The following NOTCH2 variants were observed in gnomAD, a reference collection of about 807,000 sequenced individuals.
NOTCH2 encodes the protein neurogenic locus notch homolog protein 2.
Under a neutral mutation model 235.8 loss-of-function variants are expected in NOTCH2, and 29 were observed. The observed-to-expected ratio is 0.12, with a 90% CI of 0.09 to 0.17. The LOEUF (loss-of-function observed/expected upper bound fraction) is 0.17, where lower values mean the gene tolerates loss of function less well. Among genes scored for constraint, NOTCH2 ranks in the 10% least tolerant of loss-of-function variants. The pLI, the probability that NOTCH2 is intolerant of heterozygous loss-of-function variation, is 1.00. For missense variants in NOTCH2, 2,285 were observed against 3,150.2 expected, an observed-to-expected ratio of 0.73 and a Z score of 6.57; for synonymous variants, 1,086 against 1,141.5, an observed-to-expected ratio of 0.95 and a Z score of 0.98.
In NOTCH2 at chr1:119,988,303, G is replaced by A. The variant is rs1176717417; in HGVS notation, c.752-1221C>T. ...AATACAATGGCAGTCATATAAATAA[G>A]TATAAACTGAGTGACCAAAAACATT... On this transcript the variant is annotated intron_variant, in intron 4 of 33. Transcript: ENST00000256646. Among the ~76,000 whole-genome samples, 3 of 152,096 alleles carry A rather than the reference G, an allele frequency of 2.0e-5. No homozygotes were observed. The East Asian group carries it at 5.8e-4, about 29-fold the overall frequency.
chr1:119,971,310 T>C (rs1553200334), intron 5 of NOTCH2, among the ~76,000 whole-genome samples: 2 of 152,210 alleles, frequency 1.3e-5, no homozygotes, highest in African/African-American at 4.8e-5. Context: ...AACCCTTCCA[T>C]GCTCTTCTCC....
chr1:119,943,730 C>A (rs1553196741), intron 17 of NOTCH2, among the ~76,000 whole-genome samples: 1 of 151,892 alleles, frequency 6.6e-6, no homozygotes, highest in Non-Finnish European at 1.5e-5. Context: ...AAAATATGAA[C>A]AGAAACATAC....
intron 4 of NOTCH2, chr1:119,994,634 T>C (rs1357533603): frequency 8.3e-6 from 1 of 121,168 alleles, no homozygotes; most frequent in Non-Finnish European, 1.7e-5. Context: ...TCTTATAACA[T>C]GAACATATAT....
chr1:119,939,348 C>T (rs1215049954), intron 19 of NOTCH2, among the ~76,000 whole-genome samples: 9 of 152,192 alleles, frequency 5.9e-5, no homozygotes, highest in Non-Finnish European at 1.0e-4. Flanking sequence ...TTAAGCTATT[C>T]CCAATGCTCT....
chr1:119,941,639 T>C lies in NOTCH2; in HGVS notation c.2868A>G (p.Glu956=), dbSNP rs1184087054. ...CQTDMNECLS[E]PCKNGGTCSD... Reference sequence around the variant, plus strand: ...AGCAGGTCCCTCCATTCTTACAGGGTTCACTCAGACACTCATTCATGTCTG... The same window carrying C: ...AGCAGGTCCCTCCATTCTTACAGGGCTCACTCAGACACTCATTCATGTCTG... The change falls in exon 18 of 34, where the codon GAA becomes GAG. Residue 956 remains glutamate, a synonymous_variant. Transcript: ENST00000256646. 6.2e-7 allele frequency: 1 copy of C among 1,614,108 alleles called. No homozygotes were observed. The highest frequency in any genetic ancestry group is 1.7e-5 in the Admixed American group (1 of 60,018).
intron 22 of NOTCH2, among the ~76,000 whole-genome samples, chr1:119,931,556 G>A (rs1031262575): frequency 4.6e-5 from 7 of 151,946 alleles, no homozygotes; most frequent in East Asian, 1.9e-4. Context: ...GAAATAGAAC[G>A]TTATTGGTGA....
At chr1:119,982,030 G>A (rs1553201709) in intron 5 of NOTCH2, among the ~76,000 whole-genome samples, 1 of 151,862 alleles carries the variant, frequency 6.6e-6, no homozygotes, top group African/African-American at 2.4e-5. Context: ...ACTGAGACAG[G>A]AAGATCTAGC....
chr1:120,063,014 G>A (rs587739911), intron 1 of NOTCH2, among the ~76,000 whole-genome samples: 1,280 of 151,232 alleles, frequency 8.5e-3, no homozygotes, highest in African/African-American at 0.03. Context: ...ACAGATCTAC[G>A]GCAAACCTCC....
chr1:119,948,716 T>C, intron 16 of NOTCH2, 150 bp from the exon 17 acceptor site: 1 of 962,604 alleles, frequency 1.0e-6, no homozygotes, highest in Non-Finnish European at 1.6e-6. Context: ...GGAAGACTTC[T>C]GTGGCCTAGG....
chr1:120,025,929 T>C (rs1653819961), intron 2 of NOTCH2, among the ~76,000 whole-genome samples: 1 of 132,818 alleles, frequency 7.5e-6, no homozygotes, highest in Non-Finnish European at 1.5e-5. Context: ...ATTACATATT[T>C]ACACCTCCCA....
At chr1:119,921,017 G>A (rs1056491113) in intron 29 of NOTCH2, among the ~76,000 whole-genome samples, 1 of 152,208 alleles carries the variant, frequency 6.6e-6, no homozygotes, top group Admixed American at 6.5e-5. Context: ...CAGAGGAAAG[G>A]GTTATTATTA....
Position 119,963,565 on chromosome 1 carries a change from T to C in NOTCH2, c.1915+9A>G, listed in dbSNP as rs1419284971. The C allele has an allele frequency of 3.7e-6, 6 of 1,608,920 alleles. No individual in the cohort carries two copies. The highest frequency in any genetic ancestry group is 5.1e-6 in the Non-Finnish European group (6 of 1,175,414). ...AACCCCATACCAAACATAAACAGAG[T>C]GGGCTTACCTGACGTGCCTGGCTGG... is the stretch of plus-strand genomic sequence containing the variant. On this transcript the variant is annotated intron_variant, in intron 11 of 33. Coordinates refer to ENST00000256646, the MANE Select transcript of NOTCH2 (RefSeq NM_024408.4).
chr1:119,985,127 G>GGC (rs1651962697), intron 5 of NOTCH2, among the ~76,000 whole-genome samples: 1 of 152,112 alleles, frequency 6.6e-6, no homozygotes, highest in Non-Finnish European at 1.5e-5. Flanking sequence ...AGCCATGAAA[G>GGC]GCTTCATATA....
intron 5 of NOTCH2, among the ~76,000 whole-genome samples, chr1:119,977,007 T>C (rs587625464): frequency 3.3e-5 from 5 of 152,232 alleles, no homozygotes; most frequent in Admixed American, 2.0e-4. Flanking sequence ...AGGCATTTAG[T>C]ACAGTTCAAA....
intron 5 of NOTCH2, among the ~76,000 whole-genome samples, chr1:119,978,686 A>C (rs1651693024): frequency 6.6e-6 from 1 of 152,116 alleles, no homozygotes; most frequent in Non-Finnish European, 1.5e-5. Flanking sequence ...AAGTGGTGCC[A>C]AGCTTTGGTC....
intron 19 of NOTCH2, 51 bp from the exon 20 acceptor site, chr1:119,938,061 G>A (rs1553195999): frequency 6.3e-7 from 1 of 1,579,178 alleles, no homozygotes; most frequent in Non-Finnish European, 8.7e-7. Context: ...TACTAGAAAT[G>A]AAGAAAAGAA....
Position 119,925,536 on chromosome 1 carries a change from C to A in NOTCH2, c.4280G>T (p.Ser1427Ile). Residue 1427 changes from serine (S) to isoleucine (I), a missense_variant, in exon 25 of 34, where the codon AGC becomes ATC. By Grantham distance (142) the Ser-to-Ile change is moderately radical (BLOSUM62 -2). Transcript: ENST00000256646. ...PPSTPPATCL[S>I]QYCADKARDG... The stretch of plus-strand genomic sequence containing the variant: ...CCGAGCTTTGTCGGCACAATACTGG[C>A]TCAGACAGGTGGCAGGAGGGGTGCT... 1 of 1,614,184 alleles carries A rather than the reference C, an allele frequency of 6.2e-7. No individual in the cohort carries two copies. Among genetic ancestry groups the A allele is most frequent in the African/African-American group, 1.3e-5 (1 of 75,044 alleles).
At chr1:120,027,614 T>C (rs1653915089) in intron 2 of NOTCH2, among the ~76,000 whole-genome samples, 1 of 151,762 alleles carries the variant, frequency 6.6e-6, no homozygotes, top group Non-Finnish European at 1.5e-5. Flanking sequence ...ATCCTAATGC[T>C]CTCCCTCCCC....
In NOTCH2 at chr1:119,967,586, C is replaced by T. The variant is rs1553199841; in HGVS notation, c.1300G>A (p.Val434Met). ...CAGTGGAAGGCGCCATCCGTGTTCA[C>T]ACATTTTCCTGCATGCTCACAAGGA... ...SNPCEHAGKC[V>M]NTDGAFHCEC... Residue 434 changes from valine to methionine, a missense_variant, in exon 8 of 34, where the codon GTG becomes ATG. Val to Met is a conservative substitution (Grantham distance 21, BLOSUM62 1). This residue lies in a region of NOTCH2 where 431 missense variants were observed against 757.8 expected (regional missense o/e 0.57). Coordinates refer to ENST00000256646, the MANE Select transcript of NOTCH2 (RefSeq NM_024408.4). 6.2e-7 allele frequency: 1 copy of T among 1,614,118 alleles called. No individual in the cohort carries two copies. The highest frequency in any genetic ancestry group is 1.7e-5 in the Admixed American group (1 of 60,018).
Sources: allele counts gnomAD v4.1 joint callset (sites outside exome capture counted in the v4.1 genomes callset), GRCh38; gene constraint gnomAD v4.1.1; regional missense constraint gnomAD v4.1.1; transcripts MANE v1.5; gene names NCBI Gene and HGNC (gene_info 2026-07-23, HGNC 2026-07-21).